ZNF608: variants seen among roughly 807,000 people sequenced by gnomAD.
The protein encoded by ZNF608 is zinc finger protein 608, also known as renal carcinoma antigen NY-REN-36.
Under a neutral mutation model 109.0 loss-of-function variants are expected in ZNF608, and 12 were observed. The ratio of observed to expected loss-of-function variants is 0.11; its 90% confidence interval spans 0.07 to 0.18. ZNF608 has a LOEUF of 0.18. Ranked by LOEUF, ZNF608 falls within the 10% of genes least tolerant of loss-of-function variation. ZNF608 has a pLI of 1.00. For missense variants in ZNF608, 1,707 were observed against 1,879.3 expected, an observed-to-expected ratio of 0.91 and a Z score of 1.70; for synonymous variants, 732 against 717.4, an observed-to-expected ratio of 1.02 and a Z score of -0.33.
chr5:124,720,098 G>A (rs1753847354), intron 2 of ZNF608, among the ~76,000 whole-genome samples: 1 of 152,168 alleles, frequency 6.6e-6, no homozygotes, highest in Non-Finnish European at 1.5e-5. Context: ...TTCAACAAAT[G>A]TTCCTTGGGC....
chr5:124,703,650 C>A (rs2149854194), intron 2 of ZNF608, among the ~76,000 whole-genome samples: 1 of 152,164 alleles, frequency 6.6e-6, no homozygotes, highest in Non-Finnish European at 1.5e-5. Flanking sequence ...TGCGAGTAGT[C>A]CCAGATACTC....
At chr5:124,726,232 C>T (rs942764824) in intron 2 of ZNF608, among the ~76,000 whole-genome samples, 1 of 152,110 alleles carries the variant, frequency 6.6e-6, no homozygotes, top group Non-Finnish European at 1.5e-5. Flanking sequence ...TGCTCCATAG[C>T]CCACCTCTGG....
chr5:124,733,602 A>T (rs1271743886), intron 2 of ZNF608, among the ~76,000 whole-genome samples: 6 of 152,188 alleles, frequency 3.9e-5, no homozygotes, highest in African/African-American at 1.4e-4. Flanking sequence ...AGTGAACCCC[A>T]GGACTTGAGG....
rs762555187 is a variant in ZNF608 at position 124,701,160 on chromosome 5, G to A, written c.1016C>T (p.Pro339Leu). The A allele has an allele frequency of 7.4e-6, 12 of 1,614,088 alleles. No individual in the cohort carries two copies. Among genetic ancestry groups the A allele is most frequent in the East Asian group, 2.2e-5 (1 of 44,874 alleles). The change falls in exon 3 of 10, where the codon CCG becomes CTG. Residue 339 changes from proline to leucine, a missense_variant. Pro to Leu is a moderately conservative substitution (Grantham distance 98). Coordinates refer to ENST00000513986, the MANE Select transcript of ZNF608 (RefSeq NM_020747.3). ...AGTCCGAACCAAAAGCTGTTCAACC[G>A]GTGCTGCAATATTGGATGAAGATGG... Reference protein sequence around the residue: ...FSPSSSNIAAPVEQLLVRTRS... With the variant: ...FSPSSSNIAALVEQLLVRTRS...
In ZNF608 at chr5:124,660,197, A is replaced by T. The variant is rs1380203631; in HGVS notation, c.1163-10500T>A. On this transcript the variant is annotated intron_variant, in intron 3 of 9. Coordinates refer to ENST00000513986, the MANE Select transcript of ZNF608 (RefSeq NM_020747.3). ...CTGTGTGTGTGTGTGTGTGTGTGAG[A>T]GAGAGAATGGGAGAGATCTGCATGT... Among the ~76,000 whole-genome samples the T allele has an allele frequency of 1.3e-4, 19 of 147,128 alleles. No individual in the cohort carries two copies. The South Asian group carries it at 3.3e-3, about 26-fold the overall frequency.
chr5:124,705,467 G>T (rs1028325407), intron 2 of ZNF608, among the ~76,000 whole-genome samples: 1 of 152,124 alleles, frequency 6.6e-6, no homozygotes, highest in East Asian at 1.9e-4. Flanking sequence ...GAGATAATCC[G>T]TGCAAAGTGA....
chr5:124,743,079 T>C (rs1318934784), intron 2 of ZNF608, among the ~76,000 whole-genome samples: 1 of 152,160 alleles, frequency 6.6e-6, no homozygotes, highest in Non-Finnish European at 1.5e-5. Flanking sequence ...GTCAATGTGG[T>C]CTATGACTAA....
At chr5:124,713,775 GA>G (rs1386427242) in intron 2 of ZNF608, among the ~76,000 whole-genome samples, 4 of 152,192 alleles carry the variant, frequency 2.6e-5, no homozygotes. Flanking sequence ...TGTTGGTGGA[GA>G]GGGGGAGGGG....
intron 9 of ZNF608, 169 bp downstream of exon 9, chr5:124,638,964 G>T: frequency 7.3e-6 from 6 of 817,662 alleles, no homozygotes; most frequent in Non-Finnish European, 1.2e-5. Context: ...GAGGTTCATG[G>T]AATTTAAGTT....
chr5:124,661,573 T>C (rs927727382), intron 3 of ZNF608, among the ~76,000 whole-genome samples: 1 of 151,968 alleles, frequency 6.6e-6, no homozygotes, highest in African/African-American at 2.4e-5. Flanking sequence ...TAATGAAGTG[T>C]GACTAATAGT....
chr5:124,641,207 C>T lies in ZNF608; in HGVS notation c.4450+45G>A, dbSNP rs1019758150. On this transcript the variant is annotated intron_variant, in intron 8 of 9. Transcript: ENST00000513986. ...GAAATGCAATTTTAGCAACTGTTTT[C>T]CAAAGCAGAATGGACAAAGACACAG... 8 of 1,611,008 alleles carry T rather than the reference C, an allele frequency of 5.0e-6. 1 individual carries two copies. In the Admixed American group the frequency reaches 8.4e-5, roughly 17 times the overall value.
rs1373070426 is a variant in ZNF608 at position 124,649,839 on chromosome 5, T to A, written c.1163-142A>T. ...TAAAAGCTGTGGTTTGCATTCTTCC[T>A]CTTTCTGGTTTCAGTGACCTCAAGT... On this transcript the variant is annotated intron_variant, in intron 3 of 9. Coordinates refer to ENST00000513986, the MANE Select transcript of ZNF608 (RefSeq NM_020747.3). 2.8e-5 allele frequency: 15 copies of A among 543,690 alleles called. No individual in the cohort carries two copies. The South Asian group carries it at 4.3e-4, about 16-fold the overall frequency. 33.7% of individuals were successfully genotyped at this position (543,690 alleles called of 1,614,324 possible).
intron 3 of ZNF608, among the ~76,000 whole-genome samples, chr5:124,676,615 GGTTT>G (rs2149819490): frequency 6.6e-6 from 1 of 152,166 alleles, no homozygotes; most frequent in Admixed American, 6.5e-5. Context: ...AAAGTAGATT[GGTTT>G]GTTTAACAAC....
rs941419523 is a variant in ZNF608 at position 124,644,523 on chromosome 5, G to A, written c.3844C>T (p.Pro1282Ser). The A allele has an allele frequency of 1.2e-6, 2 of 1,613,936 alleles. No homozygotes were observed. The highest frequency in any genetic ancestry group is 1.1e-5 in the South Asian group (1 of 91,076). The part of the protein sequence containing the change: ...RKTPNKESGV[P>S]SLPVSLTSIK... ...CTTGTTAACGATACAGGAAGGCTGG[G>A]CACACCACTCTCTTTATTAGGAGTT... Residue 1282 changes from proline (P) to serine (S), a missense_variant, in exon 6 of 10, where the codon CCC becomes TCC. This residue lies in a region of ZNF608 where 1,073 missense variants were observed against 1,133.5 expected (regional missense o/e 0.95). Coordinates refer to ENST00000513986, the MANE Select transcript of ZNF608 (RefSeq NM_020747.3).
intron 2 of ZNF608, among the ~76,000 whole-genome samples, chr5:124,736,593 T>C (rs1197462271): frequency 6.6e-6 from 1 of 151,138 alleles, no homozygotes; most frequent in South Asian, 2.1e-4. Context: ...AAAAAAAAAG[T>C]ACATTTCCTC....
intron 2 of ZNF608, among the ~76,000 whole-genome samples, chr5:124,703,501 C>T (rs142235519): frequency 6.0e-4 from 91 of 152,266 alleles, no homozygotes; most frequent in Admixed American, 1.0e-3. Context: ...TGTAGTGGCT[C>T]ACACTTGTAA....
chr5:124,744,285 G>C lies in ZNF608; in HGVS notation c.705C>G (p.Leu235=), dbSNP rs375408538. The C allele has an allele frequency of 4.3e-6, 7 of 1,613,818 alleles. No individual in the cohort carries two copies. The East Asian group carries it at 1.3e-4, about 31-fold the overall frequency. The change falls in exon 2 of 10, where the codon CTC becomes CTG. Residue 235 remains leucine (L), a synonymous_variant. Transcript: ENST00000513986. This position sits in a 1 kb window ranked among gnomAD's most constrained non-coding sequence, Gnocchi z 4.5. ...SGSQAPSGGH[L]YGFGAKSNGG... is the part of the protein sequence containing the mutation. The stretch of plus-strand genomic sequence containing the variant: ...CATTGCTCTTGGCCCCAAAGCCATA[G>C]AGGTGCCCCCCGGAAGGGGCCTGGC...
In ZNF608 at chr5:124,644,751, C is replaced by T. The variant is rs1012605515; in HGVS notation, c.3706-90G>A. ...AAACTTGTTAATAATCATGACAGCACTAGCACTCTTAATTTTAATGCTAAG... is the reference window on the plus strand; with the variant it reads ...AAACTTGTTAATAATCATGACAGCATTAGCACTCTTAATTTTAATGCTAAG... On this transcript the variant is annotated intron_variant, in intron 5 of 9. Transcript: ENST00000513986. The T allele has an allele frequency of 5.5e-6, 6 of 1,093,210 alleles. No homozygotes were observed. In the African/African-American group the frequency reaches 7.9e-5, roughly 14 times the overall value. The allele number at this position is 1,093,210 out of a possible 1,614,324, so 67.7% of individuals were successfully genotyped here.
At chr5:124,661,734 C>G (rs1751272651) in intron 3 of ZNF608, among the ~76,000 whole-genome samples, 1 of 152,128 alleles carries the variant, frequency 6.6e-6, no homozygotes, top group South Asian at 2.1e-4. Flanking sequence ...TCTATATACT[C>G]TGTGTGTAAA....
Sources: allele counts gnomAD v4.1 joint callset (sites outside exome capture counted in the v4.1 genomes callset), GRCh38; gene constraint gnomAD v4.1.1; regional missense constraint gnomAD v4.1.1; non-coding constraint Gnocchi (gnomAD v3.1); transcripts MANE v1.5; gene names NCBI Gene and HGNC (gene_info 2026-07-23, HGNC 2026-07-21).